The following HUNK variants were observed in gnomAD, a reference collection of about 807,000 sequenced individuals.
HUNK encodes the protein hormonally up-regulated Neu-associated kinase.
A neutral mutation model predicts 61.0 loss-of-function variants in HUNK; 21 were observed. The ratio of observed to expected loss-of-function variants is 0.34; its 90% CI spans 0.24 to 0.50. HUNK has a LOEUF of 0.50. HUNK is among the 20% of genes least tolerant of loss of function. HUNK has a pLI of 0.98. For synonymous variants in HUNK, 371 were observed against 386.1 expected (o/e 0.96, Z 0.46); for missense variants, 772 against 945.7 (o/e 0.82, Z 2.41).
At chr21:31,882,586 TTCCATGCA>T (rs2052316137) in intron 1 of HUNK, among the ~76,000 whole-genome samples, 1 of 152,196 alleles carries the variant, frequency 6.6e-6, no homozygotes, top group Admixed American at 6.5e-5. Flanking sequence ...CATGTGAGTG[TTCCATGCA>T]TGGAGTGTGT....
intron 3 of HUNK, among the ~76,000 whole-genome samples, chr21:31,941,037 T>C (rs933906634): frequency 2.0e-5 from 3 of 152,332 alleles, no homozygotes; most frequent in African/African-American, 7.2e-5. Context: ...GTTTGACAAA[T>C]GCTGAAAGTC....
chr21:31,968,597 G>A (rs2052984903), intron 6 of HUNK, among the ~76,000 whole-genome samples: 4 of 152,156 alleles, frequency 2.6e-5, no homozygotes, highest in Admixed American at 2.6e-4. Flanking sequence ...TGCCCTGCAG[G>A]GGCACCTGGA....
At chr21:31,996,081 T>C (rs1166932356) in intron 10 of HUNK, 133 bp downstream of exon 10, 2 of 698,844 alleles carry the variant, frequency 2.9e-6, no homozygotes, top group African/African-American at 2.0e-5. Context: ...GCAGGATTAA[T>C]GGACCTGAGG....
chr21:31,954,016 G>A (rs1414434064), intron 4 of HUNK, among the ~76,000 whole-genome samples: 1 of 152,226 alleles, frequency 6.6e-6, no homozygotes, highest in Non-Finnish European at 1.5e-5. Context: ...AATATGCAGT[G>A]ACTTGAGGAG....
chr21:31,998,145 C>T (rs554051225), intron 10 of HUNK, among the ~76,000 whole-genome samples: 12 of 152,272 alleles, frequency 7.9e-5, no homozygotes, highest in East Asian at 7.7e-4. Context: ...TCTTGAATTC[C>T]TGGGCTCAAG....
rs538941010 is a variant in HUNK, at chr21:32,003,136, A to C, written c.*3952A>C. ...ATCAGAGAGTGGCTGCCATGGTCAG[A>C]GGGGGATGTCAACAACAGATCAAGC... On this transcript the variant is annotated 3_prime_UTR_variant, in exon 11 of 11. Transcript: ENST00000270112. 6.6e-6 allele frequency: 1 copy of C among 152,424 alleles called. No individual in the cohort carries two copies. Among genetic ancestry groups the C allele is most frequent in the African/African-American group, 2.4e-5 (1 of 41,588 alleles). 9.4% of individuals were successfully genotyped at this position (152,424 alleles called of 1,614,324 possible).
In HUNK at chr21:31,982,766, T is replaced by TTGTG. The variant is rs71193168; in HGVS notation, c.1174-745_1174-742dup. ...TGGGGAGCAGTGTGTACATGTGTGT[T>TTGTG]TGTGTGTGTGTGTGTGTGCACTGTT... On this transcript the variant is annotated intron_variant, in intron 7 of 10. Transcript: ENST00000270112. Among the ~76,000 whole-genome samples, 537 of 150,758 alleles carry TTGTG rather than the reference T, an allele frequency of 3.6e-3. 1 individual carries two copies. The highest frequency in any genetic ancestry group is 5.7e-3 in the Non-Finnish European group (387 of 67,562).
intron 8 of HUNK, among the ~76,000 whole-genome samples, chr21:31,988,266 A>G (rs1012290443): frequency 6.6e-6 from 1 of 151,978 alleles, no homozygotes; most frequent in African/African-American, 2.4e-5. Flanking sequence ...CGAGGTGGGG[A>G]GGTTATCATT....
chr21:31,983,633 T>G (rs200634478), intron 8 of HUNK, 24 bp downstream of exon 8: 1 of 1,527,900 alleles, frequency 6.5e-7, no homozygotes, highest in South Asian at 1.1e-5. Flanking sequence ...GAAGCAAACC[T>G]CAGGGTCTCT....
At chr21:31,957,165 T>A (rs1232564844) in intron 4 of HUNK, among the ~76,000 whole-genome samples, 2 of 152,198 alleles carry the variant, frequency 1.3e-5, no homozygotes, top group Non-Finnish European at 2.9e-5. Context: ...TCATCACCGC[T>A]TGAAAGGACT....
rs368847270 is a variant in HUNK at position 31,873,778 on chromosome 21, G to C, written c.104G>C (p.Ser35Thr). ...AARPAAACEG[S>T]FLPAWVSGVP... ...AGGCCCGCGGCGGCCTGCGAGGGAA[G>C]TTTCCTGCCTGCCTGGGTGAGCGGC... The change falls in exon 1 of 11, where the codon AGT becomes ACT. Residue 35 changes from serine (S) to threonine (T), a missense_variant. Ser to Thr is a moderately conservative substitution (Grantham distance 58). Transcript: ENST00000270112. The surrounding 1 kb of genome is among the most constrained non-coding windows in gnomAD (Gnocchi z 6.1). 2 of 1,523,392 alleles carry C rather than the reference G, an allele frequency of 1.3e-6. No homozygotes were observed. The highest frequency in any genetic ancestry group is 1.8e-6 in the Non-Finnish European group (2 of 1,138,566). 94.4% of individuals were successfully genotyped at this position (1,523,392 alleles called of 1,614,324 possible). A position where few individuals can be genotyped will look rare whatever the true frequency, so the allele number is the denominator to read the frequency against.
At chr21:31,968,770 GTGTC>G (rs1173055255) in intron 6 of HUNK, among the ~76,000 whole-genome samples, 1 of 149,032 alleles carries the variant, frequency 6.7e-6, no homozygotes, top group Admixed American at 6.7e-5. Context: ...GAGAGAGTGA[GTGTC>G]TATGTCTGCT....
chr21:31,998,759 C>T lies in HUNK; in HGVS notation c.1720C>T (p.Leu574=). 6.2e-7 allele frequency: 1 copy of T among 1,614,166 alleles called. No individual in the cohort carries two copies. Among genetic ancestry groups the T allele is most frequent in the Non-Finnish European group, 8.5e-7 (1 of 1,180,036 alleles). Residue 574 remains leucine, a synonymous_variant, in exon 11 of 11, where the codon CTG becomes TTG. Transcript: ENST00000270112. ...GGATCGCGACGACCACGTAGAAGTG[C>T]TGTCTCCCTCTCATCACTACAGGAT... The part of the protein sequence containing the change: ...SVDRDDHVEV[L]SPSHHYRILN...
chr21:31,911,167 C>T (rs777643821), intron 1 of HUNK, among the ~76,000 whole-genome samples: 6 of 152,200 alleles, frequency 3.9e-5, no homozygotes, highest in East Asian at 1.9e-4. Context: ...TCATTGAGCG[C>T]CGCCTGTGTG....
intron 1 of HUNK, among the ~76,000 whole-genome samples, chr21:31,922,264 G>T (rs553142661): frequency 2.6e-5 from 4 of 151,434 alleles, no homozygotes; most frequent in African/African-American, 9.7e-5. Flanking sequence ...TGATCCACCC[G>T]CCTTGGCCTC....
chr21:31,960,567 T>G (rs985311139), intron 5 of HUNK, among the ~76,000 whole-genome samples: 1 of 152,076 alleles, frequency 6.6e-6, no homozygotes, highest in African/African-American at 2.4e-5. Context: ...GGAAAGAGGT[T>G]TAATAGACTC....
chr21:31,923,890 A>C (rs947549423), intron 1 of HUNK, among the ~76,000 whole-genome samples: 2 of 152,096 alleles, frequency 1.3e-5, no homozygotes, highest in Non-Finnish European at 2.9e-5. Context: ...TCATCAAGGG[A>C]AGGAGGTAGA....
At position 32,000,141 on chromosome 21, in the gene HUNK, A is replaced by G; in HGVS notation, c.*957A>G. On this transcript the variant is annotated 3_prime_UTR_variant, in exon 11 of 11. Transcript: ENST00000270112. ...CACGGTTACAGCTGGTTCTGTAGAA[A>G]GAGGGAAAAGATGATTGTGACAATT... The G allele has an allele frequency of 2.5e-6, 1 of 398,858 alleles. No homozygotes were observed. The highest frequency in any genetic ancestry group is 4.4e-6 in the Non-Finnish European group (1 of 226,106). 24.7% of individuals were successfully genotyped at this position (398,858 alleles called of 1,614,324 possible). A position where few individuals can be genotyped will look rare whatever the true frequency, so the allele number is the denominator to read the frequency against.
At position 32,001,104 on chromosome 21, in the gene HUNK, T is replaced by C; in HGVS notation, c.*1920T>C. 7.0e-6 allele frequency: 1 copy of C among 142,522 alleles called. No individual in the cohort carries two copies. Among genetic ancestry groups the C allele is most frequent in the Admixed American group, 7.9e-5 (1 of 12,616 alleles). 8.8% of individuals were successfully genotyped at this position (142,522 alleles called of 1,614,324 possible). A position where few individuals can be genotyped will look rare whatever the true frequency, so the allele number is the denominator to read the frequency against. On this transcript the variant is annotated 3_prime_UTR_variant, in exon 11 of 11. Coordinates refer to ENST00000270112, the MANE Select transcript of HUNK (RefSeq NM_014586.2). The stretch of plus-strand genomic sequence containing the variant: ...CTGGGCAACATGGTGAAAGCCCGTC[T>C]CTACCGAAAAATACAAAAAAAAATA...
Sources: gnomAD v4.1 joint callset for allele counts (sites outside exome capture counted in the v4.1 genomes callset) on GRCh38, gnomAD v4.1.1 for gene constraint, Gnocchi (gnomAD v3.1) non-coding constraint, MANE v1.5 for transcripts, NCBI Gene and HGNC (gene_info 2026-07-23, HGNC 2026-07-21) for gene names.